NAALADL2: variants seen among roughly 807,000 people sequenced by gnomAD.
NAALADL2 encodes the protein inactive N-acetylated-alpha-linked acidic dipeptidase-like protein 2.
Under a neutral mutation model 87.2 loss-of-function variants are expected in NAALADL2, and 76 were observed. That is an observed-to-expected ratio of 0.87 (90% CI 0.72 to 1.05). The LOEUF (loss-of-function observed/expected upper bound fraction) is 1.05, where lower values mean the gene tolerates loss of function less well. Among genes scored for constraint, NAALADL2 ranks in the 50% least tolerant of loss-of-function variants. The pLI, the probability that NAALADL2 is intolerant of heterozygous loss-of-function variation, is 0.00. For synonymous variants in NAALADL2, 354 were observed against 331.0 expected (o/e 1.07, Z -0.75); for missense variants, 1,089 against 945.8 (o/e 1.15, Z -1.99).
At chr3:174,599,906 A>G (rs1017825495) in intron 2 of NAALADL2, among the ~76,000 whole-genome samples, 2 of 152,128 alleles carry the variant, frequency 1.3e-5, no homozygotes, top group East Asian at 1.9e-4. Context: ...GGCATTATCA[A>G]TAGTGGAGTA....
intron 4 of NAALADL2, among the ~76,000 whole-genome samples, chr3:175,292,220 T>C (rs535749218): frequency 4.3e-4 from 65 of 152,266 alleles, no homozygotes; most frequent in African/African-American, 1.5e-3. Flanking sequence ...CTTACATGAA[T>C]TTAAATGAAC....
chr3:175,647,802 T>A (rs1730217834), intron 11 of NAALADL2, among the ~76,000 whole-genome samples: 1 of 152,204 alleles, frequency 6.6e-6, no homozygotes, highest in South Asian at 2.1e-4. Context: ...ACAGAGGACT[T>A]CTTTGACAGT....
At chr3:174,962,436 T>TGTTATAGTG (rs1742251746) in intron 1 of NAALADL2, among the ~76,000 whole-genome samples, 1 of 134,202 alleles carries the variant, frequency 7.5e-6, no homozygotes, top group Non-Finnish European at 1.5e-5. Context: ...TATATATGTA[T>TGTTATAGTG]ATTTTTAAGT....
chr3:174,987,650 C>A (rs1746115295), intron 1 of NAALADL2, among the ~76,000 whole-genome samples: 1 of 137,236 alleles, frequency 7.3e-6, no homozygotes, highest in East Asian at 2.2e-4. Flanking sequence ...AAGTTATAGA[C>A]AGGGTGTCAC....
chr3:175,796,837 A>G (rs1753555608), intron 13 of NAALADL2, among the ~76,000 whole-genome samples: 1 of 152,202 alleles, frequency 6.6e-6, no homozygotes, highest in African/African-American at 2.4e-5. Flanking sequence ...TATGAATATA[A>G]GAAGGAACAT....
rs150054867 is a variant in NAALADL2, at chr3:174,495,518, G to A, written c.-184+54486G>A. On this transcript the variant is annotated intron_variant, in intron 1 of 3. Transcript: ENST00000434257. ...TGAGTATTGTGGCAGACTACTTTTG[G>A]TTTCTCACATACCACAAGGGCATGA... Among the ~76,000 whole-genome samples the A allele has an allele frequency of 2.3e-3, 346 of 152,192 alleles. 1 individual carries two copies. The highest frequency in any genetic ancestry group is 7.8e-3 in the African/African-American group (324 of 41,528).
At chr3:175,791,490 T>C (rs1752769762) in intron 13 of NAALADL2, among the ~76,000 whole-genome samples, 2 of 152,112 alleles carry the variant, frequency 1.3e-5, no homozygotes, top group African/African-American at 4.8e-5. Flanking sequence ...AACCAAGACA[T>C]TGGGACAGTT....
intron 5 of NAALADL2, among the ~76,000 whole-genome samples, chr3:175,409,823 T>C (rs1713143990): frequency 6.6e-6 from 1 of 152,060 alleles, no homozygotes; most frequent in South Asian, 2.1e-4. Context: ...ATAATTAGAT[T>C]ATGCATTTGT....
At chr3:174,483,138 G>A (rs1463294416) in intron 1 of NAALADL2, among the ~76,000 whole-genome samples, 3 of 151,988 alleles carry the variant, frequency 2.0e-5, no homozygotes, top group East Asian at 1.9e-4. Flanking sequence ...GTAACTAAGG[G>A]TAGAAGGTTA....
intron 11 of NAALADL2, among the ~76,000 whole-genome samples, chr3:175,707,400 A>G (rs1365083557): frequency 2.0e-5 from 3 of 152,144 alleles, no homozygotes; most frequent in Non-Finnish European, 2.9e-5. Context: ...TTCTTAACGC[A>G]TGAGCCATAC....
chr3:174,794,188 T>C (rs1247197256), intron 3 of NAALADL2, among the ~76,000 whole-genome samples: 1 of 152,124 alleles, frequency 6.6e-6, no homozygotes, highest in East Asian at 1.9e-4. Flanking sequence ...ATATTTAGTG[T>C]TTAATAACAG....
chr3:175,163,003 C>T (rs1381217016), intron 2 of NAALADL2, among the ~76,000 whole-genome samples: 2 of 152,026 alleles, frequency 1.3e-5, no homozygotes, highest in Non-Finnish European at 2.9e-5. Context: ...TCTTTCTTTT[C>T]TCAGGGCTTG....
chr3:175,179,029 G>A (rs368848615), intron 2 of NAALADL2, among the ~76,000 whole-genome samples: 1 of 151,946 alleles, frequency 6.6e-6, no homozygotes, highest in Non-Finnish European at 1.5e-5. Context: ...GCCTAGAAAT[G>A]TCTACCCTCC....
intron 2 of NAALADL2, among the ~76,000 whole-genome samples, chr3:175,112,198 G>A (rs1724303288): frequency 6.6e-6 from 1 of 151,280 alleles, no homozygotes; most frequent in South Asian, 2.1e-4. Flanking sequence ...CTTAGTAGAT[G>A]TGCTTCTTGG....
chr3:175,246,330 T>A (rs1484294022), intron 3 of NAALADL2, among the ~76,000 whole-genome samples: 2 of 152,186 alleles, frequency 1.3e-5, no homozygotes, highest in African/African-American at 4.8e-5. Context: ...TTTGTCATTA[T>A]CAGAAATGCT....
intron 11 of NAALADL2, among the ~76,000 whole-genome samples, chr3:175,696,052 G>C (rs1371348588): frequency 6.6e-6 from 1 of 152,104 alleles, no homozygotes; most frequent in African/African-American, 2.4e-5. Context: ...AAACTGTGGT[G>C]AAATATTTTC....
chr3:174,897,640 G>C (rs991886570), intron 1 of NAALADL2, among the ~76,000 whole-genome samples: 4 of 152,108 alleles, frequency 2.6e-5, no homozygotes, highest in Non-Finnish European at 5.9e-5. Flanking sequence ...TATAGTTACC[G>C]TATGATCTGG....
At chr3:175,412,885 A>AATTT (rs1346770956) in intron 5 of NAALADL2, among the ~76,000 whole-genome samples, 63 of 129,426 alleles carry the variant, frequency 4.9e-4, no homozygotes, top group Admixed American at 3.7e-3. Flanking sequence ...TTATTTATTT[A>AATTT]ATTTATTTAT....
intron 1 of NAALADL2, among the ~76,000 whole-genome samples, chr3:174,506,595 A>C (rs1165692147): frequency 6.6e-6 from 1 of 152,160 alleles, no homozygotes; most frequent in African/African-American, 2.4e-5. Flanking sequence ...AATGGCTTTT[A>C]ATGTCTATCT....
Sources: allele counts gnomAD v4.1 joint callset (sites outside exome capture counted in the v4.1 genomes callset), GRCh38; gene constraint gnomAD v4.1.1; transcripts MANE v1.5; gene names NCBI Gene and HGNC (gene_info 2026-07-23, HGNC 2026-07-21).